CTNNA3: variants seen among roughly 807,000 people sequenced by gnomAD.
CTNNA3 encodes the protein catenin alpha 3.
A neutral mutation model predicts 95.7 loss-of-function variants in CTNNA3; 76 were observed. The ratio of observed to expected loss-of-function variants is 0.79; its 90% CI spans 0.66 to 0.96. The LOEUF is 0.96. CTNNA3 is among the 40% of genes least tolerant of loss of function. CTNNA3 has a pLI of 0.00. For synonymous variants in CTNNA3, 431 were observed against 374.4 expected (o/e 1.15, Z -1.74); for missense variants, 1,191 against 1,089.8 (o/e 1.09, Z -1.31).
chr10:66,965,563 C>T (rs1325979639), intron 7 of CTNNA3, among the ~76,000 whole-genome samples: 4 of 30,598 alleles, frequency 1.3e-4, no homozygotes, highest in African/African-American at 2.5e-4. Flanking sequence ...AAAAAAAAAG[C>T]TGTTTTTTTT....
chr10:67,615,511 T>C (rs996571982), intron 2 of CTNNA3, among the ~76,000 whole-genome samples: 3 of 152,172 alleles, frequency 2.0e-5, no homozygotes, highest in African/African-American at 7.2e-5. Flanking sequence ...ACAAACGAGT[T>C]TGGACTTTAC....
intron 13 of CTNNA3, among the ~76,000 whole-genome samples, chr10:66,178,480 G>GACAC (rs1340241525): frequency 1.5e-4 from 1 of 6,508 alleles, no homozygotes. Context: ...TACATACACA[G>GACAC]ACACACACAC....
At chr10:66,391,092 CAA>C (rs1351926446) in intron 11 of CTNNA3, among the ~76,000 whole-genome samples, 1 of 152,044 alleles carries the variant, frequency 6.6e-6, no homozygotes, top group African/African-American at 2.4e-5. Flanking sequence ...GGTAATTTTA[CAA>C]AAGTTTTGTT....
chr10:67,718,851 T>C (rs1242264525), intron 1 of CTNNA3, among the ~76,000 whole-genome samples: 1 of 152,182 alleles, frequency 6.6e-6, no homozygotes, highest in Non-Finnish European at 1.5e-5. Context: ...TCTTTGTCTA[T>C]TGTTTGGAAT....
intron 3 of CTNNA3, among the ~76,000 whole-genome samples, chr10:67,556,646 T>G (rs1841266891): frequency 6.6e-6 from 1 of 152,220 alleles, no homozygotes; most frequent in African/African-American, 2.4e-5. Context: ...CTTCTCTCTT[T>G]TCTTCTTTAT....
At chr10:66,990,467 G>A (rs893162277) in intron 7 of CTNNA3, among the ~76,000 whole-genome samples, 1 of 152,162 alleles carries the variant, frequency 6.6e-6, no homozygotes, top group Non-Finnish European at 1.5e-5. Context: ...TATTATTCCA[G>A]GGATGTTTGC....
intron 4 of CTNNA3, among the ~76,000 whole-genome samples, chr10:67,534,967 T>C (rs1840446090): frequency 6.6e-6 from 1 of 152,126 alleles, no homozygotes; most frequent in African/African-American, 2.4e-5. Flanking sequence ...GGATTATAAG[T>C]AATTTAAAAA....
intron 13 of CTNNA3, among the ~76,000 whole-genome samples, chr10:66,272,908 C>A (rs547500067): frequency 2.0e-5 from 3 of 152,132 alleles, no homozygotes; most frequent in Non-Finnish European, 4.4e-5. Context: ...GAACACATTT[C>A]CATTTCTGTC....
chr10:66,493,994 G>C (rs551837707), intron 11 of CTNNA3, among the ~76,000 whole-genome samples: 2 of 135,796 alleles, frequency 1.5e-5, no homozygotes, highest in Non-Finnish European at 3.0e-5. Flanking sequence ...TGCAACCTCC[G>C]CCTCCCGGGT....
chr10:66,361,025 T>C (rs1046979140), intron 12 of CTNNA3, among the ~76,000 whole-genome samples: 1 of 151,330 alleles, frequency 6.6e-6, no homozygotes, highest in Non-Finnish European at 1.5e-5. Flanking sequence ...AGTGCAATCA[T>C]AGTTCATTGC....
intron 13 of CTNNA3, among the ~76,000 whole-genome samples, chr10:66,158,081 G>C (rs2084640145): frequency 6.6e-6 from 1 of 152,086 alleles, no homozygotes; most frequent in Admixed American, 6.6e-5. Flanking sequence ...CAGATGTACA[G>C]ATTGTGAAGA....
intron 5 of CTNNA3, among the ~76,000 whole-genome samples, chr10:67,277,438 T>C (rs1839223047): frequency 6.6e-6 from 1 of 152,174 alleles, no homozygotes; most frequent in African/African-American, 2.4e-5. Context: ...AGGTGAATGC[T>C]TCTTAGTCCT....
At chr10:67,544,066 C>T (rs1388394801) in intron 3 of CTNNA3, among the ~76,000 whole-genome samples, 1 of 152,194 alleles carries the variant, frequency 6.6e-6, no homozygotes, top group Admixed American at 6.6e-5. Context: ...AAGCTAGCCA[C>T]TGCTGTGTGG....
At chr10:65,981,597 A>G (rs893464330) in intron 16 of CTNNA3, among the ~76,000 whole-genome samples, 1 of 152,066 alleles carries the variant, frequency 6.6e-6, no homozygotes, top group African/African-American at 2.4e-5. Context: ...ACTTCAAACT[A>G]TATTATAAGG....
At chr10:67,000,462 G>A (rs1209907342) in intron 7 of CTNNA3, among the ~76,000 whole-genome samples, 1 of 152,166 alleles carries the variant, frequency 6.6e-6, no homozygotes, top group African/African-American at 2.4e-5. Flanking sequence ...AGTTCTATGA[G>A]AGACAACACC....
intron 10 of CTNNA3, among the ~76,000 whole-genome samples, chr10:66,543,742 A>G (rs991563101): frequency 6.6e-6 from 1 of 151,528 alleles, no homozygotes; most frequent in Non-Finnish European, 1.5e-5. Context: ...TCTTATTTCA[A>G]TTATAAGGAA....
chr10:66,486,415 A>G (rs898347098), intron 11 of CTNNA3, among the ~76,000 whole-genome samples: 6 of 152,224 alleles, frequency 3.9e-5, no homozygotes, highest in African/African-American at 1.4e-4. Context: ...TCTCAAAAGA[A>G]GACAAATGGC....
chr10:67,646,120 T>A (rs549199737), intron 2 of CTNNA3, among the ~76,000 whole-genome samples: 73 of 150,834 alleles, frequency 4.8e-4, no homozygotes, highest in African/African-American at 1.7e-3. Flanking sequence ...TTCTTTTTTT[T>A]AACTTTTTTT....
At position 66,896,724 on chromosome 10, in the gene CTNNA3, C is replaced by G. The variant is rs573132395; in HGVS notation, c.1048-121200G>C. ...TCCTCATCTGTTTCTCTAGCCTCCT[C>G]TTGCTAGCGTCCATGCTCTCATTTC... On this transcript the variant is annotated intron_variant, in intron 7 of 17. Transcript: ENST00000433211. Among the ~76,000 whole-genome samples, 13 of 152,322 alleles carry G rather than the reference C, an allele frequency of 8.5e-5. 1 individual carries two copies. The East Asian group carries it at 2.5e-3, about 29-fold the overall frequency.
Sources: allele counts gnomAD v4.1 joint callset (sites outside exome capture counted in the v4.1 genomes callset), GRCh38; gene constraint gnomAD v4.1.1; transcripts MANE v1.5; gene names NCBI Gene and HGNC (gene_info 2026-07-23, HGNC 2026-07-21).